EVL: variants seen among roughly 807,000 people sequenced by gnomAD.
EVL encodes Enah/Vasp-like, also known as ena/VASP-like protein.
A neutral mutation model predicts 59.6 loss-of-function variants in EVL; 21 were observed. The observed-to-expected ratio is 0.35, with a 90% CI of 0.25 to 0.51. The LOEUF is 0.51. Among genes scored for constraint, EVL ranks in the 20% least tolerant of loss-of-function variants. EVL has a pLI of 0.97. For missense variants in EVL, 462 were observed against 546.6 expected, an observed-to-expected ratio of 0.85 and a Z score of 1.54; for synonymous variants, 198 against 203.5, an observed-to-expected ratio of 0.97 and a Z score of 0.23.
At chr14:100,050,186 G>A (rs543459391) in intron 1 of EVL, among the ~76,000 whole-genome samples, 3 of 152,198 alleles carry the variant, frequency 2.0e-5, no homozygotes, top group South Asian at 4.2e-4. Context: ...AGAAAGGAGC[G>A]GGGAAAGGAG....
chr14:100,023,344 A>AC (rs1406214182), intron 1 of EVL, among the ~76,000 whole-genome samples: 1 of 146,140 alleles, frequency 6.8e-6, no homozygotes, highest in Non-Finnish European at 1.5e-5. Flanking sequence ...AGCTGGGATT[A>AC]CAAGTGCCCA....
intron 1 of EVL, among the ~76,000 whole-genome samples, chr14:100,037,378 G>A (rs542824159): frequency 6.6e-6 from 1 of 152,304 alleles, no homozygotes; most frequent in African/African-American, 2.4e-5. Flanking sequence ...TCTGCTCAGT[G>A]TTCAAGGCTT....
In EVL at chr14:99,985,597, G is replaced by A. The variant is rs146528934; in HGVS notation, c.5+13540G>A. Reference sequence around the variant, plus strand: ...AGCATGACCAACATGGAGAAACCCCGTCTCTACTTAAAATACAAGATTAGC... The same window carrying A: ...AGCATGACCAACATGGAGAAACCCCATCTCTACTTAAAATACAAGATTAGC... On this transcript the variant is annotated intron_variant, in intron 1 of 13. Transcript: ENST00000402714. 9.1e-4 allele frequency among the ~76,000 whole-genome samples: 139 copies of A among 152,050 alleles called. 2 individuals are homozygous for A. The highest frequency in any genetic ancestry group is 2.6e-3 in the African/African-American group (107 of 41,494).
At chr14:100,054,049 C>CTTTTTTTT (rs11302582) in intron 1 of EVL, among the ~76,000 whole-genome samples, 1 of 61,256 alleles carries the variant, frequency 1.6e-5, no homozygotes, top group Non-Finnish European at 2.9e-5. Context: ...TATTTTTGGA[C>CTTTTTTTT]TTTTTTTTTT....
At chr14:100,052,632 A>AG (rs1476865085) in intron 1 of EVL, among the ~76,000 whole-genome samples, 3 of 152,020 alleles carry the variant, frequency 2.0e-5, no homozygotes, top group African/African-American at 7.2e-5. Context: ...GTGCACCTGT[A>AG]GCCCCAGCTA....
At chr14:99,978,296 G>A (rs916867014) in intron 1 of EVL, among the ~76,000 whole-genome samples, 5 of 151,628 alleles carry the variant, frequency 3.3e-5, no homozygotes, top group South Asian at 2.1e-4. Flanking sequence ...CAGCTACTCC[G>A]GAGGCTGAGG....
At chr14:100,073,389 A>G (rs1335543811) in intron 1 of EVL, among the ~76,000 whole-genome samples, 1 of 148,452 alleles carries the variant, frequency 6.7e-6, no homozygotes, top group Non-Finnish European at 1.5e-5. Context: ...TGGTGCAAAC[A>G]CGGTTCACTG....
At position 100,108,597 on chromosome 14, in the gene EVL, T is replaced by C. The variant is rs1886736476; in HGVS notation, c.358+10939T>C. 1.3e-5 allele frequency among the ~76,000 whole-genome samples: 2 copies of C among 152,174 alleles called. No individual in the cohort carries two copies. Among genetic ancestry groups the C allele is most frequent in the African/African-American group, 2.4e-5 (1 of 41,442 alleles). On this transcript the variant is annotated intron_variant, in intron 3 of 13. Transcript: ENST00000392920. The surrounding 1 kb of genome is among the most constrained non-coding windows in gnomAD (Gnocchi z 4.1). ...GTATCAGGCAGGGCCTTTGTACGCCTCCATGCCAACAGCTACCCAAGTCGC... is the reference window on the plus strand; with the variant it reads ...GTATCAGGCAGGGCCTTTGTACGCCCCCATGCCAACAGCTACCCAAGTCGC...
intron 3 of EVL, among the ~76,000 whole-genome samples, chr14:100,122,089 G>A (rs796257116): frequency 1.5e-4 from 23 of 152,332 alleles, no homozygotes; most frequent in African/African-American, 5.5e-4. Context: ...TCCCGGACGT[G>A]GAGCTGAAAC....
chr14:100,003,125 G>A (rs1023931709), intron 1 of EVL, among the ~76,000 whole-genome samples: 94 of 152,198 alleles, frequency 6.2e-4, no homozygotes, highest in African/African-American at 2.2e-3. Context: ...TCTCAAAATC[G>A]ACCCTTACAA....
intron 1 of EVL, among the ~76,000 whole-genome samples, chr14:100,051,235 C>T (rs373426306): frequency 6.6e-6 from 1 of 152,156 alleles, no homozygotes; most frequent in African/African-American, 2.4e-5. Flanking sequence ...CCTGCTCCGT[C>T]CTGACTAGAC....
At chr14:100,026,021 C>T (rs1029035580) in intron 1 of EVL, among the ~76,000 whole-genome samples, 2 of 151,920 alleles carry the variant, frequency 1.3e-5, no homozygotes, top group Non-Finnish European at 2.9e-5. Flanking sequence ...GAGGCTGAGG[C>T]GGATAGATTG....
intron 3 of EVL, among the ~76,000 whole-genome samples, chr14:100,121,420 T>C (rs912561401): frequency 6.6e-6 from 1 of 152,146 alleles, no homozygotes; most frequent in Non-Finnish European, 1.5e-5. Flanking sequence ...GGGCCTTAGC[T>C]CCCACCCCTA....
intron 1 of EVL, among the ~76,000 whole-genome samples, chr14:100,075,690 G>A (rs549924566): frequency 6.6e-6 from 1 of 152,268 alleles, no homozygotes; most frequent in South Asian, 2.1e-4. Flanking sequence ...AGTTTGAAGT[G>A]GCTGTCCTGA....
At chr14:99,983,011 T>C (rs2060817678) in intron 1 of EVL, among the ~76,000 whole-genome samples, 5 of 152,200 alleles carry the variant, frequency 3.3e-5, no homozygotes, top group Admixed American at 3.3e-4. Context: ...CAGCTTATGA[T>C]ATTCAGTAAA....
intron 6 of EVL, 47 bp from the exon 7 acceptor site, chr14:100,129,516 T>A: frequency 1.2e-6 from 2 of 1,610,462 alleles, no homozygotes; most frequent in Middle Eastern, 3.3e-4. Context: ...CTGCTCCTGT[T>A]CTGCCATCAG....
In EVL at chr14:100,125,122, C is replaced by CCATACA. The variant is rs142613424; in HGVS notation, c.422+1522_422+1523insTACACA. On this transcript the variant is annotated intron_variant, in intron 4 of 13. Coordinates refer to ENST00000392920, the MANE Select transcript of EVL (RefSeq NM_016337.3). ...CACACACACCTGCCCCAAGGCGGGA[C>CCATACA]CACACACACACACACACACACACAC... Among the ~76,000 whole-genome samples the CCATACA allele has an allele frequency of 5.1e-3, 524 of 103,086 alleles. 14 individuals are homozygous for CCATACA. Among genetic ancestry groups the CCATACA allele is most frequent in the African/African-American group, 0.023 (481 of 21,012 alleles). 67.6% of individuals were successfully genotyped at this position (103,086 alleles called of 152,430 possible).
intron 3 of EVL, among the ~76,000 whole-genome samples, chr14:100,120,038 G>A (rs986865670): frequency 6.6e-6 from 1 of 152,206 alleles, no homozygotes; most frequent in Admixed American, 6.5e-5. Flanking sequence ...GAAACTCACA[G>A]CCCTGAGAAA....
At chr14:100,125,319 C>A (rs1357675335) in intron 4 of EVL, among the ~76,000 whole-genome samples, 3 of 152,092 alleles carry the variant, frequency 2.0e-5, no homozygotes, top group Admixed American at 6.5e-5. Context: ...GCTTGTCCCA[C>A]GCAACTTTAC....
Sources: allele counts gnomAD v4.1 joint callset (sites outside exome capture counted in the v4.1 genomes callset), GRCh38; gene constraint gnomAD v4.1.1; non-coding constraint Gnocchi (gnomAD v3.1); transcripts MANE v1.5; gene names NCBI Gene and HGNC (gene_info 2026-07-23, HGNC 2026-07-21).